Variants in ZNF536 observed in about 807,000 individuals in gnomAD.
ZNF536 encodes the protein zinc finger protein 536.
A neutral mutation model predicts 84.5 loss-of-function variants in ZNF536; 13 were observed. The ratio of observed to expected loss-of-function variants is 0.15; its 90% confidence interval spans 0.10 to 0.24. The LOEUF (loss-of-function observed/expected upper bound fraction) is 0.24. Ranked by LOEUF, ZNF536 falls within the 10% of genes least tolerant of loss-of-function variation. The probability of loss-of-function intolerance (pLI) is 1.00; values close to 1 mark genes in which losing one functional copy is unlikely to be tolerated. For synonymous variants in ZNF536, 811 were observed against 742.5 expected, an observed-to-expected ratio of 1.09 and a Z score of -1.50; for missense variants, 1,536 against 1,747.5, an observed-to-expected ratio of 0.88 and a Z score of 2.16.
intron 2 of ZNF536, among the ~76,000 whole-genome samples, chr19:30,531,583 C>G (rs2044822921): frequency 6.6e-6 from 1 of 152,000 alleles, no homozygotes; most frequent in African/African-American, 2.4e-5. Flanking sequence ...ATTTTTCAAC[C>G]TTGCTCCCCT....
intron 2 of ZNF536, among the ~76,000 whole-genome samples, chr19:30,531,669 G>T (rs113940014): frequency 0.13 from 19,177 of 152,062 alleles, 1,497 homozygotes; most frequent in East Asian, 0.31. Context: ...GTGTTACCCA[G>T]GCTGGAGTGC....
chr19:30,643,594 G>A (rs994222670), intron 1 of ZNF536, among the ~76,000 whole-genome samples: 3 of 151,870 alleles, frequency 2.0e-5, no homozygotes, highest in Non-Finnish European at 4.4e-5. Context: ...TTAACGCTTC[G>A]TTTTGCTTCA....
intron 1 of ZNF536, among the ~76,000 whole-genome samples, chr19:30,597,198 G>C (rs1325804220): frequency 6.6e-6 from 1 of 152,228 alleles, no homozygotes; most frequent in Non-Finnish European, 1.5e-5. Flanking sequence ...TCTGTGGGAT[G>C]GTCCCCCTAG....
chr19:30,673,465 A>G (rs572468107), intron 1 of ZNF536, among the ~76,000 whole-genome samples: 40 of 152,218 alleles, frequency 2.6e-4, no homozygotes, highest in African/African-American at 9.4e-4. Flanking sequence ...TGAGAAGCTG[A>G]CTCAGATTTT....
At chr19:30,390,636 T>A (rs141602731) in intron 1 of ZNF536, among the ~76,000 whole-genome samples, 1 of 152,314 alleles carries the variant, frequency 6.6e-6, no homozygotes, top group East Asian at 1.9e-4. Context: ...TGCTTTTATG[T>A]TTCCAAATCT....
intron 1 of ZNF536, among the ~76,000 whole-genome samples, chr19:30,635,175 A>G (rs2147276103): frequency 6.6e-6 from 1 of 152,226 alleles, no homozygotes; most frequent in South Asian, 2.1e-4. Context: ...GGTTTGCCAA[A>G]CGTTCAGGCA....
At chr19:30,642,877 G>C (rs547666788) in intron 1 of ZNF536, among the ~76,000 whole-genome samples, 2 of 152,136 alleles carry the variant, frequency 1.3e-5, no homozygotes, top group Non-Finnish European at 2.9e-5. Context: ...TGTGTGGGGG[G>C]TGAGAGCCCA....
intron 3 of ZNF536, among the ~76,000 whole-genome samples, chr19:30,537,730 T>G (rs970706566): frequency 1.3e-5 from 2 of 152,236 alleles, no homozygotes; most frequent in African/African-American, 4.8e-5. Flanking sequence ...GTTTCTGAAC[T>G]TCTGCTTCAC....
chr19:30,261,416 G>A (rs958131464), intron 1 of ZNF536, among the ~76,000 whole-genome samples: 2 of 151,914 alleles, frequency 1.3e-5, no homozygotes, highest in Non-Finnish European at 2.9e-5. Context: ...AAAAGAGTAG[G>A]TGCGGTGGCT....
At chr19:30,487,778 C>T (rs567292601) in intron 2 of ZNF536, among the ~76,000 whole-genome samples, 1 of 152,266 alleles carries the variant, frequency 6.6e-6, no homozygotes, top group South Asian at 2.1e-4. Flanking sequence ...GACAATTTCC[C>T]CCATTCCCTG....
At chr19:30,459,355 T>TC (rs1491372994) in intron 2 of ZNF536, among the ~76,000 whole-genome samples, 17 of 128,782 alleles carry the variant, frequency 1.3e-4, no homozygotes, top group African/African-American at 4.8e-4. Flanking sequence ...TCTTTCTCTC[T>TC]TTTTTTTTTT....
At chr19:30,342,807 G>A (rs529450896) in intron 2 of ZNF536, among the ~76,000 whole-genome samples, 9 of 152,290 alleles carry the variant, frequency 5.9e-5, no homozygotes, top group African/African-American at 1.9e-4. Flanking sequence ...TTGAACTAAT[G>A]TGCAATAAAG....
chr19:30,287,849 A>G (rs2045703361), intron 2 of ZNF536, among the ~76,000 whole-genome samples: 1 of 152,080 alleles, frequency 6.6e-6, no homozygotes, highest in Non-Finnish European at 1.5e-5. Context: ...GAGTGGGTGG[A>G]TGGATGGGTC....
At chr19:30,481,791 T>C (rs1375798496) in intron 2 of ZNF536, among the ~76,000 whole-genome samples, 2 of 152,194 alleles carry the variant, frequency 1.3e-5, no homozygotes, top group Non-Finnish European at 2.9e-5. Flanking sequence ...GTGTACACTG[T>C]ATCCAATATG....
At chr19:30,522,689 A>G (rs59092349) in intron 2 of ZNF536, among the ~76,000 whole-genome samples, 4,989 of 152,214 alleles carry the variant, frequency 0.033, 288 homozygotes, top group African/African-American at 0.11. Flanking sequence ...TTTAGTGCTA[A>G]TAAACATGTC....
At position 30,302,984 on chromosome 19, in the gene ZNF536, A is replaced by T. The variant is rs796580206; in HGVS notation, c.-120+18843A>T. ...GGGACATTTTTCTTGTTTTTACATA[A>T]TTTTTCCTGACATTGGGAGCTAGAA... is the stretch of plus-strand genomic sequence containing the variant. On this transcript the variant is annotated intron_variant, in intron 2 of 5. Transcript: ENST00000585628. Among the ~76,000 whole-genome samples, 41 of 152,236 alleles carry T rather than the reference A, an allele frequency of 2.7e-4. 1 individual carries two copies. The highest frequency in any genetic ancestry group is 9.4e-4 in the African/African-American group (39 of 41,522).
chr19:30,658,156 G>A (rs955409643), intron 1 of ZNF536, among the ~76,000 whole-genome samples: 17 of 151,900 alleles, frequency 1.1e-4, no homozygotes, highest in Admixed American at 1.0e-3. Flanking sequence ...TGAGCAGCTG[G>A]GACTACAAGT....
chr19:30,432,967 C>T (rs761221565), intron 1 of ZNF536, among the ~76,000 whole-genome samples: 9 of 152,106 alleles, frequency 5.9e-5, no homozygotes, highest in Non-Finnish European at 8.8e-5. Context: ...CAGTGTGAGG[C>T]GTGCATGTTA....
At chr19:30,436,938 G>C (rs2051775339) in intron 1 of ZNF536, among the ~76,000 whole-genome samples, 1 of 152,138 alleles carries the variant, frequency 6.6e-6, no homozygotes, top group South Asian at 2.1e-4. Flanking sequence ...ACTCCTACAA[G>C]GCTTCCGAGG....
Sources: allele counts gnomAD v4.1 joint callset (sites outside exome capture counted in the v4.1 genomes callset), GRCh38; gene constraint gnomAD v4.1.1; transcripts MANE v1.5; gene names NCBI Gene and HGNC (gene_info 2026-07-23, HGNC 2026-07-21).